PPP1R13B: variants seen among roughly 807,000 people sequenced by gnomAD.
PPP1R13B encodes protein phosphatase 1 regulatory subunit 13B, also known as apoptosis-stimulating of p53 protein 1.
In PPP1R13B, 44 loss-of-function variants were observed where a neutral mutation model predicts 119.8. That is an observed-to-expected ratio of 0.37 (90% confidence interval 0.29 to 0.47). PPP1R13B has a LOEUF of 0.47. PPP1R13B is among the 20% of genes least tolerant of loss of function. The pLI, the probability that PPP1R13B is intolerant of heterozygous loss-of-function variation, is 0.99. For missense variants in PPP1R13B, 1,227 were observed against 1,413.5 expected, an observed-to-expected ratio of 0.87 and a Z score of 2.12; for synonymous variants, 542 against 561.5, an observed-to-expected ratio of 0.97 and a Z score of 0.49.
chr14:103,780,019 C>T (rs2085300823), intron 3 of PPP1R13B, among the ~76,000 whole-genome samples: 1 of 151,896 alleles, frequency 6.6e-6, no homozygotes. Context: ...CGTGGTGGTG[C>T]ACACCTGTAA....
intron 9 of PPP1R13B, among the ~76,000 whole-genome samples, chr14:103,745,456 T>G (rs1032864956): frequency 6.6e-5 from 10 of 152,230 alleles, no homozygotes; most frequent in African/African-American, 2.4e-4. Context: ...CAGGGAAATG[T>G]GTCAACCTCA....
Position 103,734,460 on chromosome 14 carries a change from T to C in PPP1R13B, c.*694A>G, listed in dbSNP as rs2084036858. 2 of 454,294 alleles carry C rather than the reference T, an allele frequency of 4.4e-6. No individual in the cohort carries two copies. The highest frequency in any genetic ancestry group is 8.9e-6 in the Non-Finnish European group (2 of 225,910). The allele number at this position is 454,294 out of a possible 1,614,324, so 28.1% of individuals were successfully genotyped here. A position where few individuals can be genotyped will look rare whatever the true frequency, so the allele number is the denominator to read the frequency against. On this transcript the variant is annotated 3_prime_UTR_variant, in exon 17 of 17. Transcript: ENST00000202556. ...TGTGAGATCGGAGGAGAAGAGTATA[T>C]GCTGAGGCTCTCCCAGTTGTCACTT... is the stretch of plus-strand genomic sequence containing the variant.
Position 103,742,032 on chromosome 14 carries a change from C to T in PPP1R13B, c.1580G>A (p.Ser527Asn). 1 of 1,614,236 alleles carries T rather than the reference C, an allele frequency of 6.2e-7. No homozygotes were observed. Among genetic ancestry groups the T allele is most frequent in the Non-Finnish European group, 8.5e-7 (1 of 1,180,050 alleles). Residue 527 changes from serine (S) to asparagine (N), a missense_variant, in exon 11 of 17, where the codon AGT becomes AAT. Transcript: ENST00000202556. This position sits in a 1 kb window ranked among gnomAD's most constrained non-coding sequence, Gnocchi z 4.9. ...TGGTCCCGCTGGCGGGTACGTGGGACTTGGCGGTACGGAAATCCTCTGCTG... is the reference window on the plus strand; with the variant it reads ...TGGTCCCGCTGGCGGGTACGTGGGATTTGGCGGTACGGAAATCCTCTGCTG... Reference protein sequence around the residue: ...QIQQRISVPPSPTYPPAGPPA... With the variant: ...QIQQRISVPPNPTYPPAGPPA...
At chr14:103,827,692 C>T (rs1259861492) in intron 1 of PPP1R13B, among the ~76,000 whole-genome samples, 27 of 148,290 alleles carry the variant, frequency 1.8e-4, no homozygotes, top group Admixed American at 1.8e-3. Context: ...TATACTATAT[C>T]ATTAACCATA....
In PPP1R13B at chr14:103,738,572, G is replaced by C. The variant is rs973614062; in HGVS notation, c.2864+107C>G. On this transcript the variant is annotated intron_variant, in intron 14 of 16. Coordinates refer to ENST00000202556, the MANE Select transcript of PPP1R13B (RefSeq NM_015316.3). The surrounding 1 kb of genome is among the most constrained non-coding windows in gnomAD (Gnocchi z 5.6). ...CAAGGATGAAATGATGGGTGTTCTT[G>C]CTCTAATTCTCTCTTCCGTGCTTCC... 9 of 1,501,276 alleles carry C rather than the reference G, an allele frequency of 6.0e-6. No homozygotes were observed. In the African/African-American group the frequency reaches 1.1e-4, roughly 18 times the overall value. The allele number at this position is 1,501,276 out of a possible 1,614,324, so 93.0% of individuals were successfully genotyped here.
chr14:103,748,360 T>C (rs1010261826), intron 8 of PPP1R13B, among the ~76,000 whole-genome samples: 4 of 152,220 alleles, frequency 2.6e-5, no homozygotes, highest in Admixed American at 1.3e-4. Context: ...TGAGAGACTG[T>C]GACATCCACA....
rs1300639425 is a variant in PPP1R13B, at chr14:103,742,122, C to T, written c.1490G>A (p.Arg497Gln). The change falls in exon 11 of 17, where the codon CGA becomes CAA. Residue 497 changes from arginine to glutamine, a missense_variant. Transcript: ENST00000202556. This position sits in a 1 kb window ranked among gnomAD's most constrained non-coding sequence, Gnocchi z 4.9. ...LPRPSAGLPS[R>Q]QRPTLLPATG... The stretch of plus-strand genomic sequence containing the variant: ...GGCGGGCAGCAGGGTGGGCCTCTGT[C>T]GACTTGGCAGGCCTGCACTGGGCCT... 1.2e-6 allele frequency: 2 copies of T among 1,612,882 alleles called. No homozygotes were observed. The highest frequency in any genetic ancestry group is 1.3e-5 in the African/African-American group (1 of 74,930).
At chr14:103,827,661 GATAT>G (rs1426329442) in intron 1 of PPP1R13B, among the ~76,000 whole-genome samples, 2 of 148,610 alleles carry the variant, frequency 1.3e-5, no homozygotes, top group Non-Finnish European at 3.0e-5. Flanking sequence ...TAATACTATA[GATAT>G]ATAAATATAG....
chr14:103,820,478 A>G (rs1305135247), intron 1 of PPP1R13B, among the ~76,000 whole-genome samples: 1 of 150,738 alleles, frequency 6.6e-6, no homozygotes, highest in Non-Finnish European at 1.5e-5. Flanking sequence ...TTCAATAAAC[A>G]TTCACATTAG....
At chr14:103,741,699 TG>T in intron 11 of PPP1R13B, 90 bp downstream of exon 11, 1 of 1,434,106 alleles carries the variant, frequency 7.0e-7, no homozygotes, top group Non-Finnish European at 9.4e-7. Context: ...AAATAGCACG[TG>T]GCCCAAACGT....
intron 1 of PPP1R13B, among the ~76,000 whole-genome samples, chr14:103,810,858 C>G (rs1316421133): frequency 6.6e-6 from 1 of 150,724 alleles, no homozygotes; most frequent in Non-Finnish European, 1.5e-5. Flanking sequence ...GGAAGCTGAG[C>G]CCGGTGGATC....
intron 1 of PPP1R13B, among the ~76,000 whole-genome samples, chr14:103,831,215 T>C (rs1452161250): frequency 6.6e-6 from 1 of 152,090 alleles, no homozygotes; most frequent in Non-Finnish European, 1.5e-5. Flanking sequence ...AATGCTGGGA[T>C]TACAGGCATG....
At chr14:103,786,240 C>T (rs2085459403) in intron 2 of PPP1R13B, among the ~76,000 whole-genome samples, 1 of 151,886 alleles carries the variant, frequency 6.6e-6, no homozygotes, top group South Asian at 2.1e-4. Context: ...GGGGTTTTTG[C>T]CATGTTGCCT....
Position 103,746,500 on chromosome 14 carries a change from GC to G in PPP1R13B, c.1022del (p.Gly341AlafsTer25). The G allele has an allele frequency of 1.2e-6, 2 of 1,613,920 alleles. No homozygotes were observed. The highest frequency in any genetic ancestry group is 1.7e-6 in the Non-Finnish European group (2 of 1,179,818). Reference protein sequence around the residue: ...SSPQSPLSTSGRVAAVGPYIQ... With the variant: ...SSPQSPLSTSXRVAAVGPYIQ... The stretch of plus-strand genomic sequence containing the variant: ...TATAAGGCCCCACAGCAGCGACCCT[GC>G]CCGATGTGCTCAGAGGGGACTGTGG... On this transcript the variant is annotated frameshift_variant, in exon 9 of 17. Coordinates refer to ENST00000202556, the MANE Select transcript of PPP1R13B (RefSeq NM_015316.3). LOFTEE classifies it high-confidence loss of function.
At chr14:103,809,953 A>C (rs1391294453) in intron 1 of PPP1R13B, among the ~76,000 whole-genome samples, 1 of 151,298 alleles carries the variant, frequency 6.6e-6, no homozygotes, top group Non-Finnish European at 1.5e-5. Flanking sequence ...CAGCCTCCCT[A>C]GTAGCTGGGA....
intron 1 of PPP1R13B, among the ~76,000 whole-genome samples, chr14:103,832,984 A>G (rs1471526289): frequency 6.6e-6 from 1 of 151,532 alleles, no homozygotes; most frequent in East Asian, 1.9e-4. Flanking sequence ...TATGTCTCCA[A>G]AAAGAAAAAA....
At chr14:103,824,695 A>AC in intron 1 of PPP1R13B, among the ~76,000 whole-genome samples, 1 of 132,412 alleles carries the variant, frequency 7.6e-6, no homozygotes, top group East Asian at 2.1e-4. Flanking sequence ...ACTCCGCCTC[A>AC]AAAAAAAAAA....
intron 12 of PPP1R13B, 147 bp downstream of exon 12, chr14:103,739,677 A>G: frequency 1.0e-6 from 1 of 978,048 alleles, no homozygotes; most frequent in African/African-American, 1.6e-5. Context: ...TGTCTGTGTG[A>G]CTGTCCGTCC....
In PPP1R13B at chr14:103,741,875, T is replaced by C; in HGVS notation, c.1737A>G (p.Ile579Met). The change falls in exon 11 of 17, where the codon ATA (isoleucine) becomes ATG (methionine). Residue 579 changes from isoleucine (I) to methionine (M), a missense_variant. Ile to Met is a conservative substitution (Grantham distance 10). Coordinates refer to ENST00000202556, the MANE Select transcript of PPP1R13B (RefSeq NM_015316.3). Reference protein sequence around the residue: ...KGPQTVNSSSIYSMYLQQATP... With the variant: ...KGPQTVNSSSMYSMYLQQATP... Reference sequence around the variant, plus strand: ...TGGCTTGCTGGAGGTACATGGAGTATATGGAACTTGAATTCACTGTCTGGG... The same window carrying C: ...TGGCTTGCTGGAGGTACATGGAGTACATGGAACTTGAATTCACTGTCTGGG... 2 of 1,614,212 alleles carry C rather than the reference T, an allele frequency of 1.2e-6. No homozygotes were observed. The highest frequency in any genetic ancestry group is 1.7e-6 in the Non-Finnish European group (2 of 1,180,042).
Sources: gnomAD v4.1 joint callset for allele counts (sites outside exome capture counted in the v4.1 genomes callset) on GRCh38, gnomAD v4.1.1 for gene constraint, Gnocchi (gnomAD v3.1) non-coding constraint, MANE v1.5 for transcripts, NCBI Gene and HGNC (gene_info 2026-07-23, HGNC 2026-07-21) for gene names.